The following SPAST variants were observed in gnomAD, a reference collection of about 807,000 sequenced individuals.
The protein encoded by SPAST is spastin.
A neutral mutation model predicts 76.6 loss-of-function variants in SPAST; 30 were observed. That is an observed-to-expected ratio of 0.39 (90% confidence interval 0.29 to 0.53). The LOEUF is 0.53. Ranked by LOEUF, SPAST falls within the 20% of genes least tolerant of loss-of-function variation. SPAST has a pLI of 0.68. For synonymous variants in SPAST, 305 were observed against 281.0 expected, an observed-to-expected ratio of 1.09 and a Z score of -0.86; for missense variants, 717 against 770.5, an observed-to-expected ratio of 0.93 and a Z score of 0.82.
chr2:32,142,873 T>A (rs1679766760), intron 13 of SPAST, among the ~76,000 whole-genome samples: 1 of 152,196 alleles, frequency 6.6e-6, no homozygotes, highest in South Asian at 2.1e-4. Context: ...ATACTTACAA[T>A]GGGTGAAATT....
intron 2 of SPAST, among the ~76,000 whole-genome samples, chr2:32,088,256 C>T (rs2148709601): frequency 6.6e-6 from 1 of 152,276 alleles, no homozygotes; most frequent in Non-Finnish European, 1.5e-5. Context: ...TGATCTTAAA[C>T]TTCTGGCCTC....
chr2:32,135,388 C>G (rs1374745676), intron 9 of SPAST, among the ~76,000 whole-genome samples: 1 of 152,056 alleles, frequency 6.6e-6, no homozygotes, highest in Non-Finnish European at 1.5e-5. Flanking sequence ...CTCAGCCTCC[C>G]AAAGTGCTGG....
chr2:32,112,635 C>G (rs1198819955), intron 4 of SPAST, among the ~76,000 whole-genome samples: 1 of 151,988 alleles, frequency 6.6e-6, no homozygotes, highest in Non-Finnish European at 1.5e-5. Context: ...CGTAAGCCAC[C>G]ACGCCCAGCC....
chr2:32,066,776 C>A (rs1419537507), intron 1 of SPAST, among the ~76,000 whole-genome samples: 5 of 151,900 alleles, frequency 3.3e-5, no homozygotes, highest in African/African-American at 1.2e-4. Context: ...GAGTTTGAGA[C>A]CAGCCTGGGC....
chr2:32,072,241 C>A (rs1676781501), intron 1 of SPAST, among the ~76,000 whole-genome samples: 1 of 152,012 alleles, frequency 6.6e-6, no homozygotes, highest in Non-Finnish European at 1.5e-5. Context: ...GACGGGATTT[C>A]ACCATGTTGG....
intron 16 of SPAST, among the ~76,000 whole-genome samples, chr2:32,153,318 ATTTTTTTTT>A (rs148901250): frequency 1.3e-5 from 1 of 79,286 alleles, no homozygotes; most frequent in Admixed American, 1.4e-4. Flanking sequence ...TTTTGCCTTA[ATTTTTTTTT>A]TTTTTTTTTT....
Position 32,146,801 on chromosome 2 carries a change from TTGCAGTAAGCCGAGCAC to T in SPAST, c.1688-411_1688-395del, listed in dbSNP as rs139102910. On this transcript the variant is annotated intron_variant, in intron 15 of 16. Transcript: ENST00000315285. ...TATCGCTTGAACCTGGGAGGTGAGG[TTGCAGTAAGCCGAGCAC>T]TGCAGCCTGGGCAACAGAGCAAGAC... Among the ~76,000 whole-genome samples, 180 of 138,306 alleles carry T rather than the reference TTGCAGTAAGCCGAGCAC, an allele frequency of 1.3e-3. 5 individuals are homozygous for T. The East Asian group carries it at 0.036, about 27-fold the overall frequency. 90.7% of individuals were successfully genotyped at this position (138,306 alleles called of 152,430 possible).
chr2:32,063,973 C>A lies in SPAST; in HGVS notation c.142C>A (p.Arg48=). The A allele has an allele frequency of 6.2e-7, 1 of 1,613,098 alleles. No individual in the cohort carries two copies. The highest frequency in any genetic ancestry group is 8.5e-7 in the Non-Finnish European group (1 of 1,179,426). The change falls in exon 1 of 17, where the codon CGG becomes AGG. Residue 48 remains arginine, a synonymous_variant. Transcript: ENST00000315285. ...PAPPPESPHK[R]NLYYFSYPLF... is the part of the protein sequence containing the mutation. ...CCCTCCGCCCGAGTCGCCGCATAAGCGGAACCTGTACTATTTCTCCTACCC... is the reference window on the plus strand; with the variant it reads ...CCCTCCGCCCGAGTCGCCGCATAAGAGGAACCTGTACTATTTCTCCTACCC...
At position 32,118,781 on chromosome 2, in the gene SPAST, A is replaced by C. The variant is rs554303890; in HGVS notation, c.1098+2569A>C. Among the ~76,000 whole-genome samples, 7 of 152,310 alleles carry C rather than the reference A, an allele frequency of 4.6e-5. No homozygotes were observed. The East Asian group carries it at 7.7e-4, about 17-fold the overall frequency. On this transcript the variant is annotated intron_variant, in intron 7 of 16. Coordinates refer to ENST00000315285, the MANE Select transcript of SPAST (RefSeq NM_014946.4). ...CACCTAATTCTTACATTTATTTATT[A>C]AGGGACATGCTTTTTACGGTAGAAA...
intron 7 of SPAST, among the ~76,000 whole-genome samples, chr2:32,126,165 A>G (rs1053095727): frequency 6.6e-6 from 1 of 152,110 alleles, no homozygotes; most frequent in African/African-American, 2.4e-5. Context: ...GATAACATCC[A>G]ATTCCTGAAC....
At chr2:32,133,233 C>T (rs1024798671) in intron 9 of SPAST, among the ~76,000 whole-genome samples, 2 of 152,156 alleles carry the variant, frequency 1.3e-5, no homozygotes, top group Non-Finnish European at 2.9e-5. Flanking sequence ...TATTGTTTAA[C>T]CTTGTTTATT....
At chr2:32,092,198 A>G (rs1391437839) in intron 3 of SPAST, among the ~76,000 whole-genome samples, 1 of 152,170 alleles carries the variant, frequency 6.6e-6, no homozygotes, top group East Asian at 1.9e-4. Context: ...CAGATGAGTA[A>G]CAAGGTAGTG....
chr2:32,127,314 C>T (rs774302206), intron 8 of SPAST: 24 of 383,048 alleles, frequency 6.3e-5, no homozygotes, highest in Non-Finnish European at 9.9e-5. Flanking sequence ...GACAGGATTT[C>T]GCCATGTTGG....
intron 9 of SPAST, among the ~76,000 whole-genome samples, chr2:32,134,101 T>C (rs1679457205): frequency 6.6e-6 from 1 of 152,186 alleles, no homozygotes; most frequent in Non-Finnish European, 1.5e-5. Context: ...AGTGGCGTGA[T>C]CATGGCTCAC....
chr2:32,093,653 AG>A (rs1193377547), intron 3 of SPAST, among the ~76,000 whole-genome samples: 2 of 152,136 alleles, frequency 1.3e-5, no homozygotes, highest in African/African-American at 2.4e-5. Flanking sequence ...AACTCTATGG[AG>A]GAGGGATCCT....
rs1420655659 is a variant in SPAST at position 32,111,229 on chromosome 2, CGT to C, written c.683-3408_683-3407del. ...ACAGTATACTATATAGTGTGTATAGCGTATATATACAGTATACTATATAGTGT... is the reference window on the plus strand; with the variant it reads ...ACAGTATACTATATAGTGTGTATAGCATATATACAGTATACTATATAGTGT... On this transcript the variant is annotated intron_variant, in intron 4 of 16. Transcript: ENST00000315285. Among the ~76,000 whole-genome samples, 149 of 103,796 alleles carry C rather than the reference CGT, an allele frequency of 1.4e-3. 2 individuals are homozygous for C. Among genetic ancestry groups the C allele is most frequent in the East Asian group, 4.7e-3 (14 of 2,966 alleles). The allele number at this position is 103,796 out of a possible 152,430, so 68.1% of individuals were successfully genotyped here.
Position 32,089,527 on chromosome 2 carries a change from C to T in SPAST, c.508C>T (p.Gln170Ter), listed in dbSNP as rs886039695. Residue 170 changes from glutamine (Q) to a stop codon, truncating the protein, a stop_gained, in exon 3 of 17, where the codon CAG (glutamine) becomes TAG (stop). Transcript: ENST00000315285. LOFTEE classifies it high-confidence loss of function. ...AATTAATTTTTTTCTTTCAGGTGAA[C>T]AGTGTGAAAGAGCTAGACGCCTTCA... ...IAVIVTGQGE[Q>*]CERARRLQAK... is the part of the protein sequence containing the mutation. The T allele has an allele frequency of 6.4e-7, 1 of 1,571,220 alleles. No individual in the cohort carries two copies. The highest frequency in any genetic ancestry group is 8.8e-7 in the Non-Finnish European group (1 of 1,141,414).
intron 3 of SPAST, 29 bp downstream of exon 3, chr2:32,089,634 G>C (rs370417192): frequency 8.9e-7 from 1 of 1,121,972 alleles, no homozygotes; most frequent in Non-Finnish European, 1.4e-6. Context: ...TTTGATGTGG[G>C]ATGTATTGGA....
At chr2:32,110,815 G>A in intron 4 of SPAST, among the ~76,000 whole-genome samples, 1 of 112,602 alleles carries the variant, frequency 8.9e-6, no homozygotes, top group Non-Finnish European at 1.8e-5. Flanking sequence ...ATACTATATA[G>A]TATATAGAGT....
Sources: allele counts gnomAD v4.1 joint callset (sites outside exome capture counted in the v4.1 genomes callset), GRCh38; gene constraint gnomAD v4.1.1; transcripts MANE v1.5; gene names NCBI Gene and HGNC (gene_info 2026-07-23, HGNC 2026-07-21).